The following USP4 variants were observed in gnomAD, a reference collection of about 807,000 sequenced individuals.
The protein encoded by USP4 is ubiquitin carboxyl-terminal hydrolase 4.
In USP4, 72 loss-of-function variants were observed where a neutral mutation model predicts 118.2. The observed-to-expected ratio is 0.61, with a 90% CI of 0.50 to 0.74. The LOEUF (loss-of-function observed/expected upper bound fraction) is 0.74. USP4 is among the 30% of genes least tolerant of loss of function. USP4 has a pLI of 0.00. For missense variants in USP4, 1,037 were observed against 1,185.7 expected, an observed-to-expected ratio of 0.87 and a Z score of 1.84; for synonymous variants, 415 against 440.4, an observed-to-expected ratio of 0.94 and a Z score of 0.72.
rs189402797 is a variant in USP4, at chr3:49,323,447, T to C, written c.695+1255A>G. 4.6e-5 allele frequency among the ~76,000 whole-genome samples: 7 copies of C among 152,226 alleles called. No homozygotes were observed. In the East Asian group the frequency reaches 1.4e-3, roughly 29 times the overall value. On this transcript the variant is annotated intron_variant, in intron 6 of 21. Transcript: ENST00000265560. ...GCACTCACCATTGTGCTTAATCCCATCTGCAAAGTCCCTTTTGCCATGTCA... is the reference window on the plus strand; with the variant it reads ...GCACTCACCATTGTGCTTAATCCCACCTGCAAAGTCCCTTTTGCCATGTCA...
chr3:49,278,816 C>G lies in USP4; in HGVS notation c.2731G>C (p.Val911Leu), dbSNP rs1473384871. 4.4e-6 allele frequency: 7 copies of G among 1,606,522 alleles called. No individual in the cohort carries two copies. Among genetic ancestry groups the G allele is most frequent in the Non-Finnish European group, 5.1e-6 (6 of 1,175,706 alleles). ...NVSLASEDQI[V>L]TKAAYVLFYQ... ...ACCACATATCATGGCCTACTCACCACTATCTGATCCTCAGAGGCCAGGGAC... is the reference window on the plus strand; with the variant it reads ...ACCACATATCATGGCCTACTCACCAGTATCTGATCCTCAGAGGCCAGGGAC... Residue 911 changes from valine to leucine, a missense_variant and splice_region_variant, in exon 21 of 22, where the codon GTG becomes CTG. Physicochemically the swap from Val to Leu is conservative, Grantham distance 32. This residue lies in a region of USP4 where 522 missense variants were observed against 592.6 expected (regional missense o/e 0.88). Coordinates refer to ENST00000265560, the MANE Select transcript of USP4 (RefSeq NM_003363.4).
At chr3:49,311,423 C>G in intron 7 of USP4, 91 bp downstream of exon 7, 1 of 1,437,596 alleles carries the variant, frequency 7.0e-7, no homozygotes. Flanking sequence ...TCTAACCCCA[C>G]TATGCTTAGT....
chr3:49,312,881 TTTTC>T (rs948481845), intron 6 of USP4: 9 of 151,516 alleles, frequency 5.9e-5, no homozygotes, highest in East Asian at 3.9e-4. Flanking sequence ...CCTACATTTT[TTTTC>T]TTTTTTTTTT....
chr3:49,334,093 G>A lies in USP4; in HGVS notation c.229+1376C>T, dbSNP rs554139710. ...AATGAAAAACTTTGAAGTATTTTGAGAATTACCAAAATGTGGTAACAGAGA... is the reference window on the plus strand; with the variant it reads ...AATGAAAAACTTTGAAGTATTTTGAAAATTACCAAAATGTGGTAACAGAGA... On this transcript the variant is annotated intron_variant, in intron 2 of 21. Transcript: ENST00000265560. Among the ~76,000 whole-genome samples the A allele has an allele frequency of 9.9e-5, 15 of 152,258 alleles. No individual in the cohort carries two copies. In the South Asian group the frequency reaches 3.1e-3, roughly 32 times the overall value.
chr3:49,326,838 A>G (rs1426997884), intron 3 of USP4, among the ~76,000 whole-genome samples: 1 of 151,124 alleles, frequency 6.6e-6, no homozygotes, highest in East Asian at 2.0e-4. Flanking sequence ...AGTAGCTGGG[A>G]CTACAGGTAT....
At chr3:49,304,003 T>C (rs1449668069) in intron 9 of USP4, among the ~76,000 whole-genome samples, 7 of 152,056 alleles carry the variant, frequency 4.6e-5, no homozygotes, top group Admixed American at 4.6e-4. Context: ...TCCACCCACC[T>C]TGGCCTCCCC....
intron 19 of USP4, among the ~76,000 whole-genome samples, chr3:49,281,483 T>TATA (rs2047025774): frequency 1.9e-5 from 2 of 103,606 alleles, no homozygotes; most frequent in African/African-American, 7.3e-5. Flanking sequence ...TGTGTATATA[T>TATA]ATATATATAC....
intron 6 of USP4, among the ~76,000 whole-genome samples, chr3:49,315,847 A>T (rs2047429408): frequency 6.6e-6 from 1 of 152,010 alleles, no homozygotes; most frequent in South Asian, 2.1e-4. Flanking sequence ...AATCTACTGC[A>T]CTCCACTTGC....
chr3:49,335,514 G>C lies in USP4; in HGVS notation c.184C>G (p.His62Asp), dbSNP rs2047659879. 1.2e-6 allele frequency: 2 copies of C among 1,614,174 alleles called. No individual in the cohort carries two copies. Among genetic ancestry groups the C allele is most frequent in the Non-Finnish European group, 1.7e-6 (2 of 1,180,038 alleles). Residue 62 changes from histidine to aspartate, a missense_variant, in exon 2 of 22, where the codon CAT (histidine) becomes GAT (aspartate). This residue lies in a region of USP4 where 487 missense variants were observed against 534.1 expected (regional missense o/e 0.91). Coordinates refer to ENST00000265560, the MANE Select transcript of USP4 (RefSeq NM_003363.4). The stretch of plus-strand genomic sequence containing the variant: ...TCTATTGGGCCAGGAAATAGGTTAT[G>C]TTCACCCACATTGTACATGTCCCAG... The part of the protein sequence containing the change: ...DSWDMYNVGE[H>D]NLFPGPIDNS...
chr3:49,332,428 G>A (rs1336834350), intron 2 of USP4, among the ~76,000 whole-genome samples: 1 of 151,572 alleles, frequency 6.6e-6, no homozygotes, highest in East Asian at 2.0e-4. Context: ...CTACAGCCTG[G>A]GTGACAGGGC....
At chr3:49,302,307 C>G in intron 10 of USP4, 77 bp downstream of exon 10, 1 of 1,517,974 alleles carries the variant, frequency 6.6e-7, no homozygotes, top group Non-Finnish European at 8.9e-7. Context: ...ACTCAAAGAC[C>G]AGAAGAATAT....
Position 49,324,732 on chromosome 3 carries a change from C to T in USP4, c.665G>A (p.Gly222Asp), listed in dbSNP as rs747815098. The T allele has an allele frequency of 5.0e-6, 8 of 1,614,164 alleles. No homozygotes were observed. The highest frequency in any genetic ancestry group is 5.9e-6 in the Non-Finnish European group (7 of 1,180,024). The change falls in exon 6 of 22, where the codon GGC becomes GAC. Residue 222 changes from glycine (G) to aspartate (D), a missense_variant. Physicochemically the swap from Gly to Asp is moderately conservative, Grantham distance 94 (BLOSUM62 -1). Transcript: ENST00000265560. ...CTGCAAGGTCTGCCTGGGCCATGTG[C>T]CATCTTCATTTTGAGGCTCAATTAC... is the stretch of plus-strand genomic sequence containing the variant. Reference protein sequence around the residue: ...VLVIEPQNEDGTWPRQTLQSK... With the variant: ...VLVIEPQNEDDTWPRQTLQSK...
At chr3:49,318,660 G>T in intron 6 of USP4, 1 of 979,142 alleles carries the variant, frequency 1.0e-6, no homozygotes, top group Non-Finnish European at 1.2e-6. Context: ...TGTAATCCCA[G>T]CACTCTGGGA....
At chr3:49,289,599 A>C (rs899612840) in intron 15 of USP4, among the ~76,000 whole-genome samples, 1 of 152,202 alleles carries the variant, frequency 6.6e-6, no homozygotes, top group Non-Finnish European at 1.5e-5. Context: ...GGCCGGGTGC[A>C]GTAGCTCATG....
chr3:49,311,480 G>A (rs2047382247), intron 7 of USP4, 34 bp downstream of exon 7: 1 of 1,607,766 alleles, frequency 6.2e-7, no homozygotes, highest in South Asian at 1.1e-5. Flanking sequence ...AAGGACCACG[G>A]GAAAGGAAGC....
At chr3:49,312,596 G>GCGAGA (rs1399121891) in intron 6 of USP4, 1 of 394,304 alleles carries the variant, frequency 2.5e-6, no homozygotes. Flanking sequence ...CTCCAGCCTG[G>GCGAGA]GCAAAAAGAA....
chr3:49,330,347 TGA>T (rs1207766391), intron 2 of USP4, among the ~76,000 whole-genome samples: 2 of 151,926 alleles, frequency 1.3e-5, no homozygotes, highest in East Asian at 3.9e-4. Flanking sequence ...TTTTTTTTTT[TGA>T]GACAGTCTCG....
At position 49,286,145 on chromosome 3, in the gene USP4, G is replaced by A. The variant is rs1319683411; in HGVS notation, c.2153C>T (p.Ala718Val). 2 of 1,614,200 alleles carry A rather than the reference G, an allele frequency of 1.2e-6. No homozygotes were observed. The highest frequency in any genetic ancestry group is 1.1e-5 in the South Asian group (1 of 91,086). The change falls in exon 16 of 22, where the codon GCT becomes GTT. Residue 718 changes from alanine (A) to valine (V), a missense_variant. Coordinates refer to ENST00000265560, the MANE Select transcript of USP4 (RefSeq NM_003363.4). ...ATCAGCTGCAAGTGAATTTATGTCA[G>A]CTGTTCCATAGGAGTTCACAAGACT... ...TFSLVNSYGT[A>V]DINSLAADGK...
intron 6 of USP4, chr3:49,317,209 G>A (rs1378431014): frequency 6.7e-6 from 10 of 1,503,578 alleles, no homozygotes; most frequent in African/African-American, 1.4e-5. Context: ...GGTGGCCTCC[G>A]TCTCCGCGAT....
Sources: allele counts gnomAD v4.1 joint callset (sites outside exome capture counted in the v4.1 genomes callset), GRCh38; gene constraint gnomAD v4.1.1; regional missense constraint gnomAD v4.1.1; transcripts MANE v1.5; gene names NCBI Gene and HGNC (gene_info 2026-07-23, HGNC 2026-07-21).